Variants in ELP4 observed in about 807,000 individuals in gnomAD.
The protein encoded by ELP4 is elongator acetyltransferase complex subunit 4.
Under a neutral mutation model 48.9 loss-of-function variants are expected in ELP4, and 51 were observed. The ratio of observed to expected loss-of-function variants is 1.04; its 90% confidence interval spans 0.83 to 1.32. ELP4 has a LOEUF of 1.32. Ranked by LOEUF, ELP4 falls within the 40% of genes most tolerant of loss-of-function variation. The pLI is 0.00. For missense variants in ELP4, 519 were observed against 514.6 expected, an observed-to-expected ratio of 1.01 and a Z score of -0.08; for synonymous variants, 210 against 189.2, an observed-to-expected ratio of 1.11 and a Z score of -0.90.
In ELP4 at chr11:31,760,096, A is replaced by G. The variant is rs565645743; in HGVS notation, c.1144-23297A>G. On this transcript the variant is annotated intron_variant, in intron 9 of 9. Transcript: ENST00000640961. Reference sequence around the variant, plus strand: ...AGATATTGATGAGCCTGACTACCATAAAGATATATACTTTTATGTCCACCT... The same window carrying G: ...AGATATTGATGAGCCTGACTACCATGAAGATATATACTTTTATGTCCACCT... Among the ~76,000 whole-genome samples, 39 of 152,246 alleles carry G rather than the reference A, an allele frequency of 2.6e-4. 1 individual carries two copies. Among genetic ancestry groups the G allele is most frequent in the Non-Finnish European group, 4.7e-4 (32 of 68,042 alleles).
chr11:31,789,912 CTTTTTTT>C lies in ELP4; in HGVS notation c.*6405_*6411del, dbSNP rs759391101. The C allele has an allele frequency of 6.9e-5, 72 of 1,046,422 alleles. No individual in the cohort carries two copies. Among genetic ancestry groups the C allele is most frequent in the Middle Eastern group, 2.4e-4 (1 of 4,174 alleles). The allele number at this position is 1,046,422 out of a possible 1,614,324, so 64.8% of individuals were successfully genotyped here. A position where few individuals can be genotyped will look rare whatever the true frequency, so the allele number is the denominator to read the frequency against. On this transcript the variant is annotated 3_prime_UTR_variant, in exon 10 of 10. Transcript: ENST00000640961. ...CTGAATTAACACAATATTTCCTTTC[CTTTTTTT>C]TTTTTTTTTTTTTTTTACTGTAATC... is the stretch of plus-strand genomic sequence containing the variant.
At chr11:31,735,760 A>G (rs1947299016) in intron 9 of ELP4, among the ~76,000 whole-genome samples, 1 of 152,194 alleles carries the variant, frequency 6.6e-6, no homozygotes, top group South Asian at 2.1e-4. Context: ...TAGGAATCCA[A>G]CTTACAAGAG....
intron 3 of ELP4, among the ~76,000 whole-genome samples, chr11:31,544,888 A>AGG (rs1592100992): frequency 6.6e-6 from 1 of 152,198 alleles, no homozygotes; most frequent in East Asian, 1.9e-4. Flanking sequence ...TACCCAGGCA[A>AGG]ACAGGGTCTG....
At chr11:31,686,940 T>A (rs1946174365) in intron 9 of ELP4, among the ~76,000 whole-genome samples, 1 of 151,622 alleles carries the variant, frequency 6.6e-6, no homozygotes, top group South Asian at 2.1e-4. Flanking sequence ...GTGACAAGAC[T>A]AGAGGCCAAG....
chr11:31,623,982 A>G (rs957113643), intron 5 of ELP4, among the ~76,000 whole-genome samples: 2 of 151,798 alleles, frequency 1.3e-5, no homozygotes, highest in African/African-American at 4.8e-5. Context: ...ATTCATCATC[A>G]GGGAAATGTA....
At chr11:31,699,223 T>C (rs541462399) in intron 9 of ELP4, among the ~76,000 whole-genome samples, 1 of 152,178 alleles carries the variant, frequency 6.6e-6, no homozygotes, top group African/African-American at 2.4e-5. Context: ...CTTGGCAAGA[T>C]AGCTAATTCT....
At chr11:31,626,596 A>T (rs889642657) in intron 5 of ELP4, among the ~76,000 whole-genome samples, 2 of 151,890 alleles carry the variant, frequency 1.3e-5, no homozygotes, top group African/African-American at 4.8e-5. Flanking sequence ...AGTGAAAATC[A>T]TACTCACTTT....
Position 31,548,793 on chromosome 11 carries a change from G to C in ELP4, c.381+9010G>C, listed in dbSNP as rs543824940. Among the ~76,000 whole-genome samples, 647 of 152,278 alleles carry C rather than the reference G, an allele frequency of 4.2e-3. 5 individuals are homozygous for C. The highest frequency in any genetic ancestry group is 0.015 in the African/African-American group (610 of 41,550). ...GTACTGGTACCAAAACAGAGATATA[G>C]ATCAATGGAACAGAACAGAGCCCTC... On this transcript the variant is annotated intron_variant, in intron 3 of 9. Coordinates refer to ENST00000640961, the MANE Select transcript of ELP4 (RefSeq NM_019040.5).
At chr11:31,655,942 AT>A (rs1425802268) in intron 9 of ELP4, among the ~76,000 whole-genome samples, 1 of 152,044 alleles carries the variant, frequency 6.6e-6, no homozygotes, top group African/African-American at 2.4e-5. Flanking sequence ...ACCTCTTTAT[AT>A]AAATTTGTCT....
At chr11:31,512,438 A>G (rs1408350430) in intron 1 of ELP4, 1 of 152,200 alleles carries the variant, frequency 6.6e-6, no homozygotes, top group Non-Finnish European at 1.5e-5. Context: ...ACTTATTCCA[A>G]AGCATTTCAT....
chr11:31,605,436 A>G (rs1030876592), intron 5 of ELP4, among the ~76,000 whole-genome samples: 4 of 152,056 alleles, frequency 2.6e-5, no homozygotes, highest in African/African-American at 7.2e-5. Flanking sequence ...GGTCAGGGTA[A>G]TTTTCCCATA....
chr11:31,509,926 T>C lies in ELP4; in HGVS notation c.142T>C (p.Ser48Pro). ...VTNDSGPRLV[S>P]IAGTRPSVRN... ...CAACGACAGCGGCCCTCGACTGGTG[T>C]CCATTGCGGGCACGCGACCGTCGGT... The change falls in exon 1 of 10, where the codon TCC becomes CCC. Residue 48 changes from serine to proline, a missense_variant. Physicochemically the swap from Ser to Pro is moderately conservative, Grantham distance 74. Transcript: ENST00000640961. 6.2e-7 allele frequency: 1 copy of C among 1,613,830 alleles called. No individual in the cohort carries two copies. The highest frequency in any genetic ancestry group is 2.2e-5 in the East Asian group (1 of 44,856).
chr11:31,615,990 A>G (rs532644720), intron 5 of ELP4, among the ~76,000 whole-genome samples: 48 of 152,044 alleles, frequency 3.2e-4, no homozygotes, highest in Non-Finnish European at 5.6e-4. Context: ...TACATTTGTT[A>G]TCTCATTTAA....
At chr11:31,604,130 C>G (rs1183388320) in intron 5 of ELP4, among the ~76,000 whole-genome samples, 3 of 151,664 alleles carry the variant, frequency 2.0e-5, no homozygotes, top group Non-Finnish European at 4.4e-5. Context: ...ACCACTATTT[C>G]TCTAATTTGC....
intron 9 of ELP4, among the ~76,000 whole-genome samples, chr11:31,705,009 CAA>C (rs777988313): frequency 9.6e-5 from 11 of 114,550 alleles, no homozygotes; most frequent in Non-Finnish European, 7.4e-5. Flanking sequence ...GACTCCATCT[CAA>C]AAAAAAAAAA....
chr11:31,743,698 A>G (rs1449746353), intron 9 of ELP4, among the ~76,000 whole-genome samples: 8 of 152,154 alleles, frequency 5.3e-5, no homozygotes, highest in Non-Finnish European at 1.0e-4. Context: ...TTTGCAACCA[A>G]CGAGAACAAA....
chr11:31,589,976 G>A (rs1957540788), intron 3 of ELP4, among the ~76,000 whole-genome samples: 1 of 152,146 alleles, frequency 6.6e-6, no homozygotes, highest in Non-Finnish European at 1.5e-5. Context: ...ATAGCATGGT[G>A]GTTAAGAGCA....
At chr11:31,526,206 G>T (rs778171864) in intron 2 of ELP4, among the ~76,000 whole-genome samples, 1 of 152,048 alleles carries the variant, frequency 6.6e-6, no homozygotes. Flanking sequence ...ACTTGCCCAA[G>T]ATCACATATA....
intron 3 of ELP4, among the ~76,000 whole-genome samples, chr11:31,545,796 C>T (rs1308649938): frequency 6.6e-6 from 1 of 152,120 alleles, no homozygotes; most frequent in African/African-American, 2.4e-5. Context: ...TCTGCAGAAA[C>T]TCTACAAGCC....
Sources: allele counts gnomAD v4.1 joint callset (sites outside exome capture counted in the v4.1 genomes callset), GRCh38; gene constraint gnomAD v4.1.1; transcripts MANE v1.5; gene names NCBI Gene and HGNC (gene_info 2026-07-23, HGNC 2026-07-21).